Variants in WDFY3 observed in about 807,000 individuals in gnomAD.
WDFY3 encodes WD repeat and FYVE domain-containing protein 3.
In WDFY3, 66 loss-of-function variants were observed where a neutral mutation model predicts 409.6. That is an observed-to-expected ratio of 0.16 (90% confidence interval 0.13 to 0.20). WDFY3 has a LOEUF of 0.20. WDFY3 is among the 10% of genes least tolerant of loss of function. The pLI is 1.00. For synonymous variants in WDFY3, 1,521 were observed against 1,537.1 expected, an observed-to-expected ratio of 0.99 and a Z score of 0.25; for missense variants, 3,031 against 4,298.1, an observed-to-expected ratio of 0.71 and a Z score of 8.24.
intron 8 of WDFY3, among the ~76,000 whole-genome samples, chr4:84,830,886 C>T (rs1251608820): frequency 2.0e-5 from 3 of 152,036 alleles, no homozygotes; most frequent in African/African-American, 7.2e-5. Flanking sequence ...TTTTTTTTAA[C>T]TTTTAGAAAT....
chr4:84,844,376 G>C lies in WDFY3; in HGVS notation c.305-3113C>G, dbSNP rs572586895. 4 of 1,236,366 alleles carry C rather than the reference G, an allele frequency of 3.2e-6. No individual in the cohort carries two copies. In the East Asian group the frequency reaches 2.3e-4, roughly 70 times the overall value. The allele number at this position is 1,236,366 out of a possible 1,614,324, so 76.6% of individuals were successfully genotyped here. A position where few individuals can be genotyped will look rare whatever the true frequency, so the allele number is the denominator to read the frequency against. On this transcript the variant is annotated intron_variant, in intron 5 of 67. Transcript: ENST00000295888. The stretch of plus-strand genomic sequence containing the variant: ...AAAAAAAAATTCCACAAGTTAGTCA[G>C]AAAAACAATATTAGAACTCACAGCT...
rs1471955743 is a variant in WDFY3, at chr4:84,702,342, G to C, written c.8596+11C>G. On this transcript the variant is annotated intron_variant, in intron 56 of 67. Coordinates refer to ENST00000295888, the MANE Select transcript of WDFY3 (RefSeq NM_014991.6). ...CTAACATTCCTAAGACAGTGCCATA[G>C]CTCTACGTACCTAGATCAAAGTTGT... 6.3e-7 allele frequency: 1 copy of C among 1,594,700 alleles called. No homozygotes were observed. The highest frequency in any genetic ancestry group is 8.5e-7 in the Non-Finnish European group (1 of 1,171,714).
intron 44 of WDFY3, among the ~76,000 whole-genome samples, chr4:84,731,996 A>C (rs139654291): frequency 1.5e-3 from 228 of 152,348 alleles, no homozygotes; most frequent in African/African-American, 5.0e-3. Flanking sequence ...GGGAAAAAAG[A>C]TTAAGAACTG....
chr4:84,763,430 T>TGTGGG (rs1743058426), intron 32 of WDFY3, among the ~76,000 whole-genome samples: 1 of 151,886 alleles, frequency 6.6e-6, no homozygotes, highest in Non-Finnish European at 1.5e-5. Flanking sequence ...ACCCAATGCA[T>TGTGGG]GTGGGGCTTA....
At chr4:84,799,054 C>T (rs1750014697) in intron 17 of WDFY3, among the ~76,000 whole-genome samples, 1 of 152,168 alleles carries the variant, frequency 6.6e-6, no homozygotes, top group Non-Finnish European at 1.5e-5. Flanking sequence ...TCCTTCTCTA[C>T]CCTGGACCAC....
rs180848676 is a variant in WDFY3, at chr4:84,712,670, G to A, written c.8042+489C>T. Reference sequence around the variant, plus strand: ...CCAGGAGGTTGCAGTGAGCCAAGACGTGCCATTACACTCCAGCCTGGGTGA... The same window carrying A: ...CCAGGAGGTTGCAGTGAGCCAAGACATGCCATTACACTCCAGCCTGGGTGA... On this transcript the variant is annotated intron_variant, in intron 51 of 67. Coordinates refer to ENST00000295888, the MANE Select transcript of WDFY3 (RefSeq NM_014991.6). 2.7e-3 allele frequency among the ~76,000 whole-genome samples: 412 copies of A among 150,806 alleles called. 2 individuals carry two copies. The highest frequency in any genetic ancestry group is 9.8e-3 in the African/African-American group (402 of 41,056).
intron 66 of WDFY3, 105 bp downstream of exon 66, chr4:84,678,063 T>C (rs1339948772): frequency 7.2e-6 from 5 of 694,298 alleles, no homozygotes; most frequent in Non-Finnish European, 1.0e-5. Context: ...CATACGATAA[T>C]ACAAATAAAA....
chr4:84,912,455 T>A (rs573554396), intron 2 of WDFY3, among the ~76,000 whole-genome samples: 54 of 152,308 alleles, frequency 3.5e-4, no homozygotes, highest in African/African-American at 1.3e-3. Context: ...AGGGTTGCTA[T>A]AAGAAAGGCA....
At chr4:84,686,960 G>A (rs1728429807) in intron 62 of WDFY3, among the ~76,000 whole-genome samples, 1 of 151,996 alleles carries the variant, frequency 6.6e-6, no homozygotes, top group African/African-American at 2.4e-5. Context: ...TATTTTATTT[G>A]ACTTCTTTCA....
intron 6 of WDFY3, among the ~76,000 whole-genome samples, chr4:84,839,220 A>G (rs957985243): frequency 1.3e-5 from 2 of 152,098 alleles, no homozygotes; most frequent in African/African-American, 4.8e-5. Flanking sequence ...AAAAGTTAAT[A>G]TTACTTATAT....
At chr4:84,862,994 T>TATA (rs1451013201) in intron 3 of WDFY3, among the ~76,000 whole-genome samples, 1 of 152,252 alleles carries the variant, frequency 6.6e-6, no homozygotes, top group East Asian at 1.9e-4. Context: ...TCACATTTAG[T>TATA]ATAATGTTCT....
chr4:84,725,311 C>T (rs1212762618), intron 45 of WDFY3, among the ~76,000 whole-genome samples: 2 of 152,122 alleles, frequency 1.3e-5, no homozygotes, highest in Non-Finnish European at 2.9e-5. Context: ...ATTTGATATA[C>T]TCATTCTTAA....
intron 6 of WDFY3, among the ~76,000 whole-genome samples, chr4:84,840,733 C>A (rs989704037): frequency 6.6e-6 from 1 of 151,742 alleles, no homozygotes; most frequent in Non-Finnish European, 1.5e-5. Context: ...CAGGCCACCA[C>A]GCTCAGCTAA....
intron 67 of WDFY3, among the ~76,000 whole-genome samples, chr4:84,675,907 G>A (rs775530318): frequency 4.6e-5 from 7 of 151,998 alleles, no homozygotes; most frequent in Non-Finnish European, 1.0e-4. Context: ...ATAGATCCTC[G>A]CCTCATGTTA....
chr4:84,675,877 AC>A (rs767458877), intron 67 of WDFY3, among the ~76,000 whole-genome samples: 25 of 152,170 alleles, frequency 1.6e-4, no homozygotes, highest in Non-Finnish European at 2.9e-4. Flanking sequence ...GGGACCACTG[AC>A]CTTTCATATG....
At chr4:84,759,886 TTCAA>T (rs1742213998) in intron 32 of WDFY3, among the ~76,000 whole-genome samples, 1 of 149,390 alleles carries the variant, frequency 6.7e-6, no homozygotes, top group South Asian at 2.1e-4. Flanking sequence ...TGTGCCAGTT[TTCAA>T]AGGGAATGCT....
chr4:84,777,151 G>A (rs976086793), intron 27 of WDFY3, among the ~76,000 whole-genome samples: 4 of 151,942 alleles, frequency 2.6e-5, no homozygotes, highest in Non-Finnish European at 4.4e-5. Flanking sequence ...TTAGAAGGAA[G>A]AACTAATTTG....
chr4:84,751,659 C>T lies in WDFY3; in HGVS notation c.5797G>A (p.Ala1933Thr), dbSNP rs1238576310. The T allele has an allele frequency of 6.2e-7, 1 of 1,614,142 alleles. No homozygotes were observed. The highest frequency in any genetic ancestry group is 1.1e-5 in the South Asian group (1 of 91,082). Residue 1933 changes from alanine to threonine, a missense_variant, in exon 36 of 68, where the codon GCA becomes ACA. Around this residue, in one of 16 missense-constraint regions of WDFY3, gnomAD observed 314 missense variants for 397.4 expected, o/e 0.79. Coordinates refer to ENST00000295888, the MANE Select transcript of WDFY3 (RefSeq NM_014991.6). ...TGGCTCCTGTTCATCCCTGTGTCTG[C>T]TGCAAACGCTTTAAACTCTTCTGCT... The part of the protein sequence containing the change: ...SPAEEFKAFA[A>T]DTGMNRSQSE...
In WDFY3 at chr4:84,831,615, AAAAC is replaced by A. The variant is rs779143712; in HGVS notation, c.577-14_577-11del. 3.1e-6 allele frequency: 5 copies of A among 1,593,756 alleles called. No homozygotes were observed. The highest frequency in any genetic ancestry group is 1.3e-5 in the African/African-American group (1 of 74,270). On this transcript the variant is annotated splice_polypyrimidine_tract_variant and intron_variant, in intron 7 of 67. Transcript: ENST00000295888. ...ACAGTTTCACTAAGATCTAAAAAAT[AAAAC>A]AAAACAAAACAAGAGTGTATAAGCA...
Sources: gnomAD v4.1 joint callset for allele counts (sites outside exome capture counted in the v4.1 genomes callset) on GRCh38, gnomAD v4.1.1 for gene constraint, gnomAD v4.1.1 regional missense constraint, MANE v1.5 for transcripts, NCBI Gene and HGNC (gene_info 2026-07-23, HGNC 2026-07-21) for gene names.